The following SYNE1 variants were observed in gnomAD, a reference collection of about 807,000 sequenced individuals.
SYNE1 encodes spectrin repeat containing nuclear envelope protein 1, also known as nesprin-1.
In SYNE1, 616 loss-of-function variants were observed where a neutral mutation model predicts 1,111.0. The observed-to-expected ratio is 0.55, with a 90% CI of 0.52 to 0.59. The LOEUF is 0.59. Among genes scored for constraint, SYNE1 ranks in the 20% least tolerant of loss-of-function variants. The pLI is 0.00. For synonymous variants in SYNE1, 3,855 were observed against 3,825.8 expected (o/e 1.01, Z -0.28); for missense variants, 10,006 against 10,417.0 (o/e 0.96, Z 1.72).
At position 152,471,979 on chromosome 6, in the gene SYNE1, C is replaced by A. The variant is rs893399563; in HGVS notation, c.1464-214G>T. 5 of 604,540 alleles carry A rather than the reference C, an allele frequency of 8.3e-6. No individual in the cohort carries two copies. The East Asian group carries it at 8.6e-5, about 10-fold the overall frequency. The allele number at this position is 604,540 out of a possible 1,614,324, so 37.4% of individuals were successfully genotyped here. On this transcript the variant is annotated intron_variant, in intron 15 of 145. Transcript: ENST00000367255. Reference sequence around the variant, plus strand: ...GTCTTCGATTTAGTTCTTTCCCCTGCCAACACATCTCTCGTCTGTTTCTTT... The same window carrying A: ...GTCTTCGATTTAGTTCTTTCCCCTGACAACACATCTCTCGTCTGTTTCTTT...
chr6:152,236,194 T>C lies in SYNE1; in HGVS notation c.20309A>G (p.Asn6770Ser), dbSNP rs764196369. 5.6e-6 allele frequency: 9 copies of C among 1,614,208 alleles called. 1 individual carries two copies. The highest frequency in any genetic ancestry group is 1.6e-4 in the Middle Eastern group (1 of 6,062). Residue 6770 changes from asparagine (N) to serine (S), a missense_variant, in exon 110 of 146, where the codon AAT (asparagine) becomes AGT (serine). Coordinates refer to ENST00000367255, the MANE Select transcript of SYNE1 (RefSeq NM_182961.4). ...ISCSDLESQL[N>S]QLGECWLSNT... Reference sequence around the variant, plus strand: ...ACTTAGCCAGCACTCTCCAAGTTGATTTAGTTGGCTTTCTAGATCTGAGCA... The same window carrying C: ...ACTTAGCCAGCACTCTCCAAGTTGACTTAGTTGGCTTTCTAGATCTGAGCA...
intron 21 of SYNE1, among the ~76,000 whole-genome samples, chr6:152,460,081 C>T (rs2098722270): frequency 6.6e-6 from 1 of 152,132 alleles, no homozygotes; most frequent in South Asian, 2.1e-4. Context: ...GAAAACCTAT[C>T]AAGATGCTGC....
Position 152,472,427 on chromosome 6 carries a change from T to A in SYNE1, c.1351-14A>T, listed in dbSNP as rs767941331. ...TTGAAGCAGATCCTAAGATACAGTT[T>A]AAAAAAAAATAAAAAATGAAAAACA... On this transcript the variant is annotated splice_polypyrimidine_tract_variant and intron_variant, in intron 14 of 145. Transcript: ENST00000367255. 6.3e-5 allele frequency: 100 copies of A among 1,588,280 alleles called. No homozygotes were observed. Among genetic ancestry groups the A allele is most frequent in the Admixed American group, 6.2e-4 (37 of 59,434 alleles).
intron 130 of SYNE1, chr6:152,168,281 T>C (rs981065975): frequency 1.6e-6 from 1 of 637,556 alleles, no homozygotes; most frequent in African/African-American, 1.8e-5. Context: ...TTTCCCCTTG[T>C]CTGTGTATAG....
In SYNE1 at chr6:152,278,138, C is replaced by T. The variant is rs2093774796; in HGVS notation, c.18524G>A (p.Ser6175Asn). 1 of 1,614,008 alleles carries T rather than the reference C, an allele frequency of 6.2e-7. No individual in the cohort carries two copies. Among genetic ancestry groups the T allele is most frequent in the Non-Finnish European group, 8.5e-7 (1 of 1,180,064 alleles). The change falls in exon 98 of 146, where the codon AGC becomes AAC. Residue 6175 changes from serine to asparagine, a missense_variant. Physicochemically the swap from Ser to Asn is conservative, Grantham distance 46. Transcript: ENST00000367255. The stretch of plus-strand genomic sequence containing the variant: ...CAGGGCTCTCTGCAGCTCCAGCAGG[C>T]TCCCCTTGAGCCTTCTCAGCTTTCC... ...LAGKLRRLKG[S>N]LLELQRALHD...
chr6:152,314,072 G>C (rs1195859196), intron 87 of SYNE1, among the ~76,000 whole-genome samples: 1 of 152,182 alleles, frequency 6.6e-6, no homozygotes, highest in Non-Finnish European at 1.5e-5. Flanking sequence ...TCTCCAAAGA[G>C]AGGCCTTGTC....
At chr6:152,351,518 A>G (rs547045232) in intron 70 of SYNE1, among the ~76,000 whole-genome samples, 364 of 152,374 alleles carry the variant, frequency 2.4e-3, no homozygotes, top group Non-Finnish European at 3.9e-3. Context: ...ATGTATAGCT[A>G]TAGCCACATC....
intron 117 of SYNE1, among the ~76,000 whole-genome samples, chr6:152,222,753 G>A (rs969275643): frequency 3.9e-5 from 6 of 152,200 alleles, no homozygotes; most frequent in African/African-American, 1.4e-4. Context: ...GGAAAAGAAA[G>A]ATGTTGATCA....
At chr6:152,376,588 AG>A in intron 57 of SYNE1, 30 bp from the exon 58 acceptor site, 1 of 1,611,630 alleles carries the variant, frequency 6.2e-7, no homozygotes, top group Non-Finnish European at 8.5e-7. Context: ...ATTTAATGGC[AG>A]GAAAAAGCGA....
chr6:152,579,942 C>T (rs1025423499), intron 3 of SYNE1, among the ~76,000 whole-genome samples: 10 of 152,148 alleles, frequency 6.6e-5, no homozygotes, highest in Admixed American at 6.5e-4. Context: ...GATTCCATGT[C>T]TTTGCGATTG....
In SYNE1 at chr6:152,563,136, A is replaced by T. The variant is rs1293565958; in HGVS notation, c.68-23115T>A. Among the ~76,000 whole-genome samples, 4 of 152,190 alleles carry T rather than the reference A, an allele frequency of 2.6e-5. No homozygotes were observed. The South Asian group carries it at 8.3e-4, about 32-fold the overall frequency. ...CAACAATAACAAAATAGTACCTTTT[A>T]TCATACCCGGAGTCTTGTAGATTGT... On this transcript the variant is annotated intron_variant, in intron 3 of 145. Coordinates refer to ENST00000367255, the MANE Select transcript of SYNE1 (RefSeq NM_182961.4).
intron 115 of SYNE1, among the ~76,000 whole-genome samples, chr6:152,226,744 T>G (rs2081653885): frequency 6.6e-6 from 1 of 152,078 alleles, no homozygotes; most frequent in South Asian, 2.1e-4. Flanking sequence ...AAAGAGCTGG[T>G]GAGGGATGGA....
chr6:152,552,685 T>C (rs1254153467), intron 3 of SYNE1, among the ~76,000 whole-genome samples: 4 of 152,176 alleles, frequency 2.6e-5, no homozygotes, highest in African/African-American at 7.2e-5. Flanking sequence ...AAAGAGCCAG[T>C]GTTAGAAATT....
rs886044393 is a variant in SYNE1 at position 152,318,129 on chromosome 6, G to A, written c.16524C>T (p.His5508=). 6.2e-7 allele frequency: 1 copy of A among 1,614,192 alleles called. No homozygotes were observed. The highest frequency in any genetic ancestry group is 2.2e-5 in the East Asian group (1 of 44,884). Reference sequence around the variant, plus strand: ...TCTCAGCTTGTCTAATGGTCTGCTGGTGAAGTTCAGTCAGTTTTCCTATCT... The same window carrying A: ...TCTCAGCTTGTCTAATGGTCTGCTGATGAAGTTCAGTCAGTTTTCCTATCT... ...AKKIGKLTEL[H]QQTIRQAENR... Residue 5508 remains histidine (H), a synonymous_variant, in exon 86 of 146, where the codon CAC becomes CAT. Transcript: ENST00000367255.
rs1165810511 is a variant in SYNE1, at chr6:152,417,003, C to T, written c.5434G>A (p.Glu1812Lys). ...AATTCGCCCTTTTTGCTCTCTACTT[C>T]TGCTGCGTGGTCCTGGAAGGGAAGA... ...ALTRHKDHAA[E>K]VESKKGELQS... The change falls in exon 41 of 146, where the codon GAA (glutamate) becomes AAA (lysine). Residue 1812 changes from glutamate (E) to lysine (K), a missense_variant. Transcript: ENST00000367255. The T allele has an allele frequency of 6.2e-7, 1 of 1,614,138 alleles. No individual in the cohort carries two copies. The highest frequency in any genetic ancestry group is 8.5e-7 in the Non-Finnish European group (1 of 1,180,040).
intron 138 of SYNE1, among the ~76,000 whole-genome samples, chr6:152,141,585 T>C (rs1286464507): frequency 6.6e-6 from 1 of 151,916 alleles, no homozygotes; most frequent in African/African-American, 2.4e-5. Flanking sequence ...GGCAAAACTC[T>C]GTCTCTACAA....
chr6:152,551,157 C>T (rs1030960794), intron 3 of SYNE1, among the ~76,000 whole-genome samples: 1 of 152,034 alleles, frequency 6.6e-6, no homozygotes, highest in African/African-American at 2.4e-5. Context: ...AATGAAAATA[C>T]CTTTTACCTT....
At chr6:152,255,136 G>A (rs1353559590) in intron 103 of SYNE1, 47 bp from the exon 104 acceptor site, 1 of 1,443,152 alleles carries the variant, frequency 6.9e-7, no homozygotes, top group East Asian at 2.4e-5. Context: ...TACATGAATT[G>A]ATATGCAAAT....
chr6:152,475,471 T>C (rs1394130364), intron 14 of SYNE1, among the ~76,000 whole-genome samples: 2 of 152,202 alleles, frequency 1.3e-5, no homozygotes, highest in Non-Finnish European at 2.9e-5. Context: ...GAATATCATA[T>C]CTCATGTCAT....
Sources: allele counts gnomAD v4.1 joint callset (sites outside exome capture counted in the v4.1 genomes callset), GRCh38; gene constraint gnomAD v4.1.1; transcripts MANE v1.5; gene names NCBI Gene and HGNC (gene_info 2026-07-23, HGNC 2026-07-21).